The following SUN2 variants were observed in gnomAD, a reference collection of about 807,000 sequenced individuals.
SUN2 encodes the protein Sad1 and UNC84 domain containing 2.
A neutral mutation model predicts 100.0 loss-of-function variants in SUN2; 60 were observed. The observed-to-expected ratio is 0.60, with a 90% CI of 0.49 to 0.74. SUN2 has a LOEUF of 0.74. Ranked by LOEUF, SUN2 falls within the 30% of genes least tolerant of loss-of-function variation. The pLI is 0.00. For missense variants in SUN2, 834 were observed against 954.6 expected (o/e 0.87, Z 1.66); for synonymous variants, 367 against 403.3 (o/e 0.91, Z 1.08).
At chr22:38,747,539 G>A (rs1261187764) in intron 7 of SUN2, among the ~76,000 whole-genome samples, 1 of 152,186 alleles carries the variant, frequency 6.6e-6, no homozygotes, top group African/African-American at 2.4e-5. Flanking sequence ...AATAAAGCAT[G>A]GTCTTTAATT....
At chr22:38,754,749 C>G (rs1378331450) in intron 1 of SUN2, 1 of 1,288,904 alleles carries the variant, frequency 7.8e-7, no homozygotes, top group South Asian at 1.2e-5. Flanking sequence ...TATACCATAC[C>G]CAAGCTGCCG....
In SUN2 at chr22:38,736,408, C is replaced by G. The variant is rs777653948; in HGVS notation, c.2041-28G>C. 9.5e-6 allele frequency: 15 copies of G among 1,578,760 alleles called. No homozygotes were observed. In the Admixed American group the frequency reaches 2.1e-4, roughly 23 times the overall value. The stretch of plus-strand genomic sequence containing the variant: ...GGGTAGAGAAGAAAGGGATTAAGAG[C>G]ATCAGAGACCTGTGAGGCCTCACTG... On this transcript the variant is annotated intron_variant, in intron 17 of 17. Transcript: ENST00000689035.
At chr22:38,741,372 G>A in intron 10 of SUN2, 122 bp downstream of exon 10, 1 of 1,012,676 alleles carries the variant, frequency 9.9e-7, no homozygotes. Context: ...GTCAGAGGAG[G>A]GCACTCCCCT....
rs529119881 is a variant in SUN2, at chr22:38,755,696, C to A, written c.-38+67G>T. ...GCGGCGCGGCCCCGCCCGAGTGGCC[C>A]GACGGTGACCCGGGGTCAGGCCGGG... On this transcript the variant is annotated intron_variant, in intron 1 of 17. Coordinates refer to ENST00000689035, the MANE Select transcript of SUN2 (RefSeq NM_015374.3). The surrounding 1 kb of genome is among the most constrained non-coding windows in gnomAD (Gnocchi z 5.7). 2.6e-4 allele frequency: 260 copies of A among 982,542 alleles called. 4 individuals carry two copies. In the South Asian group the frequency reaches 0.01, roughly 40 times the overall value. The allele number at this position is 982,542 out of a possible 1,614,324, so 60.9% of individuals were successfully genotyped here. A position where few individuals can be genotyped will look rare whatever the true frequency, so the allele number is the denominator to read the frequency against.
Position 38,739,321 on chromosome 22 carries a change from C to A in SUN2, c.1663+21G>T. 1 of 1,611,906 alleles carries A rather than the reference C, an allele frequency of 6.2e-7. No homozygotes were observed. Among genetic ancestry groups the A allele is most frequent in the Non-Finnish European group, 8.5e-7 (1 of 1,179,132 alleles). On this transcript the variant is annotated intron_variant, in intron 14 of 17. Coordinates refer to ENST00000689035, the MANE Select transcript of SUN2 (RefSeq NM_015374.3). This position sits in a 1 kb window ranked among gnomAD's most constrained non-coding sequence, Gnocchi z 6.7. The stretch of plus-strand genomic sequence containing the variant: ...TTGCGGGGTCCAGGACAAGGCAGAG[C>A]GAGGAAAGCAGAGCACGTACCTCCT...
In SUN2 at chr22:38,755,885, G is replaced by A. The variant is rs1336158376; in HGVS notation, c.-160C>T. 10 of 982,254 alleles carry A rather than the reference G, an allele frequency of 1.0e-5. No individual in the cohort carries two copies. Among genetic ancestry groups the A allele is most frequent in the South Asian group, 9.4e-5 (2 of 21,322 alleles). 60.8% of individuals were successfully genotyped at this position (982,254 alleles called of 1,614,324 possible). ...CTCCGCTCAGGGCGACACAGCGGCC[G>A]GGCCCGGGGCGCGCGGGCACGCGAA... On this transcript the variant is annotated 5_prime_UTR_variant, in exon 1 of 18. Coordinates refer to ENST00000689035, the MANE Select transcript of SUN2 (RefSeq NM_015374.3). This position sits in a 1 kb window ranked among gnomAD's most constrained non-coding sequence, Gnocchi z 5.7.
At chr22:38,743,340 A>T (rs1002107009) in intron 8 of SUN2, among the ~76,000 whole-genome samples, 28 of 152,198 alleles carry the variant, frequency 1.8e-4, no homozygotes, top group African/African-American at 6.8e-4. Context: ...TAATCCCAAC[A>T]CTTTGGGAGG....
intron 8 of SUN2, chr22:38,743,202 A>G (rs925239934): frequency 1.3e-5 from 2 of 152,258 alleles, no homozygotes; most frequent in African/African-American, 4.8e-5. Context: ...AAAAACTGTC[A>G]AATAAAGGCC....
At chr22:38,754,869 C>G in intron 1 of SUN2, 1 of 1,289,240 alleles carries the variant, frequency 7.8e-7, no homozygotes, top group Non-Finnish European at 1.0e-6. Context: ...GTCTTTCCTG[C>G]GGCATCCTGG....
chr22:38,738,488 C>G lies in SUN2; in HGVS notation c.1947+99G>C. On this transcript the variant is annotated intron_variant, in intron 16 of 17. Transcript: ENST00000689035. The surrounding 1 kb of genome is among the most constrained non-coding windows in gnomAD (Gnocchi z 6.6). ...CCTCCTCTTCCAAATCCACTCCCCT[C>G]CCTTCCAGTCCAAGGGTGACCCTGA... 6.7e-7 allele frequency: 1 copy of G among 1,486,080 alleles called. No individual in the cohort carries two copies. Among genetic ancestry groups the G allele is most frequent in the Non-Finnish European group, 9.2e-7 (1 of 1,091,980 alleles). 92.1% of individuals were successfully genotyped at this position (1,486,080 alleles called of 1,614,324 possible). A position where few individuals can be genotyped will look rare whatever the true frequency, so the allele number is the denominator to read the frequency against.
intron 1 of SUN2, chr22:38,754,624 C>T (rs1412985329): frequency 4.8e-6 from 6 of 1,238,874 alleles, no homozygotes; most frequent in South Asian, 2.5e-5. Context: ...CTCCCTGCCC[C>T]GCCCGTACGG....
At chr22:38,746,078 A>C (rs755790531) in intron 7 of SUN2, among the ~76,000 whole-genome samples, 4 of 152,158 alleles carry the variant, frequency 2.6e-5, no homozygotes, top group Non-Finnish European at 5.9e-5. Flanking sequence ...AAACATTTTG[A>C]ATGAGTTAGG....
At position 38,751,334 on chromosome 22, in the gene SUN2, G is replaced by C; in HGVS notation, c.162C>G (p.Ser54=). ...KRKSSNMKRL[S]PAPQLGPSSD... The stretch of plus-strand genomic sequence containing the variant: ...AGGACGGGCCCAGCTGTGGCGCTGG[G>C]GACAGGCGCTTCATGTTGCTGGATT... The change falls in exon 3 of 18, where the codon TCC becomes TCG. Residue 54 remains serine, a synonymous_variant. Transcript: ENST00000689035. 6.2e-7 allele frequency: 1 copy of C among 1,614,020 alleles called. No individual in the cohort carries two copies. The highest frequency in any genetic ancestry group is 8.5e-7 in the Non-Finnish European group (1 of 1,180,020).
Position 38,755,845 on chromosome 22 carries a change from A to T in SUN2, c.-120T>A. On this transcript the variant is annotated 5_prime_UTR_variant, in exon 1 of 18. Coordinates refer to ENST00000689035, the MANE Select transcript of SUN2 (RefSeq NM_015374.3). The surrounding 1 kb of genome is among the most constrained non-coding windows in gnomAD (Gnocchi z 5.7). ...GGGCGCGCCCCCTTTCCGCGTGGGG[A>T]TCCCGCGGGCGGCGCTCCGCTCAGG... The T allele has an allele frequency of 3.1e-6, 3 of 982,560 alleles. No individual in the cohort carries two copies. The highest frequency in any genetic ancestry group is 3.6e-6 in the Non-Finnish European group (3 of 828,866). The allele number at this position is 982,560 out of a possible 1,614,324, so 60.9% of individuals were successfully genotyped here.
chr22:38,754,362 A>G (rs2092969555), intron 1 of SUN2, among the ~76,000 whole-genome samples: 1 of 152,222 alleles, frequency 6.6e-6, no homozygotes, highest in Non-Finnish European at 1.5e-5. Context: ...TGGTGAGTAT[A>G]GAAGTCCACT....
At chr22:38,750,788 G>C in intron 4 of SUN2, 110 bp downstream of exon 4, 1 of 1,511,474 alleles carries the variant, frequency 6.6e-7, no homozygotes, top group Non-Finnish European at 8.9e-7. Flanking sequence ...GAGGGGCGCT[G>C]TGCCTGCCAC....
rs764991301 is a variant in SUN2 at position 38,738,295 on chromosome 22, G to T, written c.1948-30C>A. ...AAAGAGAGCGGAGGGAAGTGGGGAGGGGCTGGAGCAGGGAGAACACCCCTC... is the reference window on the plus strand; with the variant it reads ...AAAGAGAGCGGAGGGAAGTGGGGAGTGGCTGGAGCAGGGAGAACACCCCTC... On this transcript the variant is annotated intron_variant, in intron 16 of 17. Transcript: ENST00000689035. This position sits in a 1 kb window ranked among gnomAD's most constrained non-coding sequence, Gnocchi z 6.6. The T allele has an allele frequency of 1.3e-6, 2 of 1,594,218 alleles. No homozygotes were observed. Among genetic ancestry groups the T allele is most frequent in the East Asian group, 4.5e-5 (2 of 44,714 alleles).
Position 38,737,991 on chromosome 22 carries a change from C to T in SUN2, c.2040+182G>A, listed in dbSNP as rs1341647264. On this transcript the variant is annotated intron_variant, in intron 17 of 17. Coordinates refer to ENST00000689035, the MANE Select transcript of SUN2 (RefSeq NM_015374.3). The surrounding 1 kb of genome is among the most constrained non-coding windows in gnomAD (Gnocchi z 4.1). Reference sequence around the variant, plus strand: ...CTGCCCTTCTGGAAGGTGCCTTCCCCTGTGCTGACGTCTGCAGGATGCGTG... The same window carrying T: ...CTGCCCTTCTGGAAGGTGCCTTCCCTTGTGCTGACGTCTGCAGGATGCGTG... 1.4e-6 allele frequency: 1 copy of T among 717,516 alleles called. No individual in the cohort carries two copies. The highest frequency in any genetic ancestry group is 2.6e-6 in the Non-Finnish European group (1 of 386,990). The allele number at this position is 717,516 out of a possible 1,614,324, so 44.4% of individuals were successfully genotyped here. A position where few individuals can be genotyped will look rare whatever the true frequency, so the allele number is the denominator to read the frequency against.
intron 7 of SUN2, among the ~76,000 whole-genome samples, chr22:38,747,331 C>CA (rs371350765): frequency 0.46 from 45,556 of 99,042 alleles, 8,433 homozygotes; most frequent in African/African-American, 0.56. Context: ...AACTCCGTCT[C>CA]AAAAAAAAAA....
Sources: gnomAD v4.1 joint callset for allele counts (sites outside exome capture counted in the v4.1 genomes callset) on GRCh38, gnomAD v4.1.1 for gene constraint, Gnocchi (gnomAD v3.1) non-coding constraint, MANE v1.5 for transcripts, NCBI Gene and HGNC (gene_info 2026-07-23, HGNC 2026-07-21) for gene names.